The following IPO8 variants were observed in gnomAD, a reference collection of about 807,000 sequenced individuals.
IPO8 encodes the protein importin-8.
In IPO8, 65 loss-of-function variants were observed where a neutral mutation model predicts 141.2. That is an observed-to-expected ratio of 0.46 (90% CI 0.38 to 0.57). IPO8 has a LOEUF of 0.57. IPO8 is among the 20% of genes least tolerant of loss of function. The pLI is 0.00. For synonymous variants in IPO8, 411 were observed against 420.3 expected (o/e 0.98, Z 0.27); for missense variants, 980 against 1,246.8 (o/e 0.79, Z 3.22).
rs1243517604 is a variant in IPO8 at position 30,639,688 on chromosome 12, C to T, written c.2316G>A (p.Gly772=). The T allele has an allele frequency of 1.2e-6, 2 of 1,613,954 alleles. No individual in the cohort carries two copies. Among genetic ancestry groups the T allele is most frequent in the Non-Finnish European group, 1.7e-6 (2 of 1,179,992 alleles). ...VQLVLERLTR[G]VKTSELRTMC... Reference sequence around the variant, plus strand: ...TAGTACGAAGCTCACTAGTTTTGACCCCTCGAGTTAATCTCTCCAAAACAA... The same window carrying T: ...TAGTACGAAGCTCACTAGTTTTGACTCCTCGAGTTAATCTCTCCAAAACAA... The change falls in exon 21 of 25, where the codon GGG becomes GGA. Residue 772 remains glycine, a synonymous_variant. Coordinates refer to ENST00000256079, the MANE Select transcript of IPO8 (RefSeq NM_006390.4).
intron 14 of IPO8, 101 bp downstream of exon 14, chr12:30,663,388 A>T: frequency 9.7e-7 from 1 of 1,027,156 alleles, no homozygotes; most frequent in Non-Finnish European, 1.4e-6. Context: ...AAACCTCAGA[A>T]TTCCAAACCC....
At chr12:30,675,735 T>A (rs1359105114) in intron 6 of IPO8, among the ~76,000 whole-genome samples, 1 of 149,924 alleles carries the variant, frequency 6.7e-6, no homozygotes, top group East Asian at 2.0e-4. Context: ...TCCCAGCTAC[T>A]CAGGAGGCTG....
chr12:30,647,819 G>A (rs2052670504), intron 20 of IPO8, among the ~76,000 whole-genome samples: 1 of 151,902 alleles, frequency 6.6e-6, no homozygotes, highest in Non-Finnish European at 1.5e-5. Flanking sequence ...TTACAAATGA[G>A]CAAATGATCC....
In IPO8 at chr12:30,649,223, C is replaced by A. The variant is rs2052690673; in HGVS notation, c.2182G>T (p.Gly728Ter). The A allele has an allele frequency of 6.2e-7, 1 of 1,611,690 alleles. No individual in the cohort carries two copies. Among genetic ancestry groups the A allele is most frequent in the Admixed American group, 1.7e-5 (1 of 59,922 alleles). Residue 728 changes from glycine (G) to a stop codon, truncating the protein, a stop_gained, in exon 20 of 25, where the codon GGA becomes TGA. Transcript: ENST00000256079. LOFTEE classifies it high-confidence loss of function. ...LFTMCRKVLC[G>*]DAGEDAECHA... ...CACTCTGCATCTTCTCCTGCATCTCCACATAGTACCTGCAGTAATTACAAT... is the reference window on the plus strand; with the variant it reads ...CACTCTGCATCTTCTCCTGCATCTCAACATAGTACCTGCAGTAATTACAAT...
chr12:30,674,688 T>C lies in IPO8; in HGVS notation c.795A>G (p.Ala265=), dbSNP rs1292167662. Reference sequence around the variant, plus strand: ...CAAAGAGCCGAGCTACAATATGCAGTGCCCACTTCTTACACTTCCACCATA... The same window carrying C: ...CAAAGAGCCGAGCTACAATATGCAGCGCCCACTTCTTACACTTCCACCATA... The part of the protein sequence containing the change: ...ELVWWKCKKW[A]LHIVARLFER... Residue 265 remains alanine (A), a synonymous_variant, in exon 7 of 25, where the codon GCA becomes GCG. Coordinates refer to ENST00000256079, the MANE Select transcript of IPO8 (RefSeq NM_006390.4). The C allele has an allele frequency of 3.1e-6, 5 of 1,613,358 alleles. No homozygotes were observed. The highest frequency in any genetic ancestry group is 4.2e-6 in the Non-Finnish European group (5 of 1,179,496).
At chr12:30,669,316 G>T in intron 9 of IPO8, 34 bp from the exon 10 acceptor site, 1 of 1,005,148 alleles carries the variant, frequency 9.9e-7, no homozygotes, top group South Asian at 1.4e-5. Flanking sequence ...CGTAACAAAT[G>T]GGTATAGGCT....
At chr12:30,688,759 T>C (rs1021032432) in intron 2 of IPO8, 4 of 155,050 alleles carry the variant, frequency 2.6e-5, no homozygotes, top group African/African-American at 4.8e-5. Context: ...AGCATTCTAA[T>C]GCACTGTTGG....
intron 20 of IPO8, among the ~76,000 whole-genome samples, 184 bp from the exon 21 acceptor site, chr12:30,639,919 G>T (rs1377997238): frequency 6.6e-6 from 1 of 152,110 alleles, no homozygotes; most frequent in Admixed American, 6.5e-5. Flanking sequence ...AGACTAAATA[G>T]ACAAAAACAA....
At chr12:30,649,085 T>C (rs931616211) in intron 20 of IPO8, 52 bp downstream of exon 20, 1 of 1,155,308 alleles carries the variant, frequency 8.7e-7, no homozygotes, top group Non-Finnish European at 1.3e-6. Flanking sequence ...CAAGCAGGCA[T>C]GTAAACTTCA....
At chr12:30,649,349 T>C (rs1350781844) in intron 19 of IPO8, 117 bp from the exon 20 acceptor site, 3 of 638,894 alleles carry the variant, frequency 4.7e-6, no homozygotes, top group Non-Finnish European at 7.8e-6. Flanking sequence ...TTGCTTGCTG[T>C]GCAAGTTTAC....
chr12:30,672,185 A>G (rs1237082995), intron 8 of IPO8, among the ~76,000 whole-genome samples: 1 of 152,252 alleles, frequency 6.6e-6, no homozygotes, highest in East Asian at 1.9e-4. Context: ...AGAGCTCTTC[A>G]CCATATCAAG....
rs749157700 is a variant in IPO8, at chr12:30,665,758, T to C, written c.1309A>G (p.Ile437Val). The change falls in exon 12 of 25, where the codon ATT (isoleucine) becomes GTT (valine). Residue 437 changes from isoleucine (I) to valine (V), a missense_variant. Transcript: ENST00000256079. ...AGTAAAATCTCAGCTAGGGAACCAA[T>C]CACATGCAGGGCTCCATCTTTCTTC... ...PRKKDGALHV[I>V]GSLAEILLKK... is the part of the protein sequence containing the mutation. The C allele has an allele frequency of 1.2e-6, 2 of 1,611,864 alleles. No homozygotes were observed. Among genetic ancestry groups the C allele is most frequent in the South Asian group, 1.1e-5 (1 of 91,000 alleles).
intron 10 of IPO8, among the ~76,000 whole-genome samples, chr12:30,668,127 TAAGA>T (rs1174447188): frequency 6.6e-6 from 1 of 151,744 alleles, no homozygotes; most frequent in African/African-American, 2.4e-5. Flanking sequence ...AACAAAGGCA[TAAGA>T]AAGGGGAAAT....
chr12:30,686,801 C>T (rs998097257), intron 2 of IPO8: 2 of 151,866 alleles, frequency 1.3e-5, no homozygotes, highest in African/African-American at 4.8e-5. Flanking sequence ...ATGATTTAGT[C>T]ATTAAATACT....
chr12:30,663,515 T>G lies in IPO8; in HGVS notation c.1568A>C (p.Gln523Pro). Residue 523 changes from glutamine to proline, a missense_variant, in exon 14 of 25, where the codon CAG becomes CCG. By Grantham distance (76) the Gln-to-Pro change is moderately conservative. Transcript: ENST00000256079. ...TTGTATCTGGTTAGAAATTAAAGAC[T>G]GAAGAGCAAGGGCAGCTTCAACTTT... ...PVKVEAALAL[Q>P]SLISNQIQAK... 1 of 1,613,372 alleles carries G rather than the reference T, an allele frequency of 6.2e-7. No individual in the cohort carries two copies. Among genetic ancestry groups the G allele is most frequent in the Non-Finnish European group, 8.5e-7 (1 of 1,179,734 alleles).
rs368698784 is a variant in IPO8 at position 30,671,064 on chromosome 12, C to A, written c.942G>T (p.Gln314His). 6.2e-7 allele frequency: 1 copy of A among 1,605,440 alleles called. No individual in the cohort carries two copies. Among genetic ancestry groups the A allele is most frequent in the Non-Finnish European group, 8.5e-7 (1 of 1,172,250 alleles). Residue 314 changes from glutamine to histidine, a missense_variant, in exon 9 of 25, where the codon CAG (glutamine) becomes CAT (histidine). Physicochemically the swap from Gln to His is conservative, Grantham distance 24. Coordinates refer to ENST00000256079, the MANE Select transcript of IPO8 (RefSeq NM_006390.4). ...VLLKILDQYR[Q>H]KEYVAPRVLQ... is the part of the protein sequence containing the mutation. Reference sequence around the variant, plus strand: ...GAACACGGGGAGCTACATATTCTTTCTGTCTATATTGATCTAAAATTTTTA... The same window carrying A: ...GAACACGGGGAGCTACATATTCTTTATGTCTATATTGATCTAAAATTTTTA...
intron 18 of IPO8, among the ~76,000 whole-genome samples, 189 bp from the exon 19 acceptor site, chr12:30,652,478 G>C (rs549600594): frequency 4.7e-4 from 71 of 152,060 alleles, no homozygotes; most frequent in Non-Finnish European, 8.1e-4. Flanking sequence ...GAAAGACTAA[G>C]ATGCTCATCA....
chr12:30,670,930 A>G (rs765832687), intron 9 of IPO8, 32 bp downstream of exon 9: 1 of 1,586,168 alleles, frequency 6.3e-7, no homozygotes, highest in South Asian at 1.2e-5. Context: ...TAACCAGAGA[A>G]TAATTTTGGA....
chr12:30,653,076 A>T lies in IPO8; in HGVS notation c.1965T>A (p.Ile655=), dbSNP rs771952269. The part of the protein sequence containing the change: ...QKHVIEFYEE[I]LSLAYSLTCH... ...AGGTTAAACTGTATGCCAGGGAAAG[A>T]ATTTCTTCATAGAATTCTAGAAGAA... The change falls in exon 18 of 25, where the codon ATT becomes ATA. Residue 655 remains isoleucine, a synonymous_variant. Coordinates refer to ENST00000256079, the MANE Select transcript of IPO8 (RefSeq NM_006390.4). The T allele has an allele frequency of 1.9e-6, 3 of 1,608,292 alleles. No individual in the cohort carries two copies. The highest frequency in any genetic ancestry group is 2.2e-5 in the South Asian group (2 of 90,380).
Sources: allele counts gnomAD v4.1 joint callset (sites outside exome capture counted in the v4.1 genomes callset), GRCh38; gene constraint gnomAD v4.1.1; transcripts MANE v1.5; gene names NCBI Gene and HGNC (gene_info 2026-07-23, HGNC 2026-07-21).